Variants in TENM4 observed in about 807,000 individuals in gnomAD.
TENM4 encodes teneurin transmembrane protein 4.
A neutral mutation model predicts 243.3 loss-of-function variants in TENM4; 82 were observed. The observed-to-expected ratio is 0.34, with a 90% CI of 0.28 to 0.40. TENM4 has a LOEUF of 0.40. Ranked by LOEUF, TENM4 falls within the 10% of genes least tolerant of loss-of-function variation. The pLI is 1.00. For missense variants in TENM4, 3,138 were observed against 3,673.3 expected, an observed-to-expected ratio of 0.85 and a Z score of 3.77; for synonymous variants, 1,412 against 1,456.3, an observed-to-expected ratio of 0.97 and a Z score of 0.69.
chr11:78,871,756 C>T (rs894463880), intron 9 of TENM4, among the ~76,000 whole-genome samples: 8 of 152,282 alleles, frequency 5.3e-5, no homozygotes, highest in East Asian at 3.9e-4. Flanking sequence ...ACCCACAGCA[C>T]GGGCCATGTC....
At chr11:78,798,263 T>A (rs566434311) in intron 15 of TENM4, among the ~76,000 whole-genome samples, 3 of 152,384 alleles carry the variant, frequency 2.0e-5, no homozygotes, top group Admixed American at 2.0e-4. Flanking sequence ...TTAAGCTTAT[T>A]TTTGTTAAAG....
intron 6 of TENM4, among the ~76,000 whole-genome samples, chr11:78,946,562 C>T (rs1481118219): frequency 5.3e-5 from 8 of 152,138 alleles, no homozygotes; most frequent in South Asian, 2.1e-4. Context: ...ACTTTCAAAT[C>T]GTATTGTTTA....
chr11:78,749,611 G>GCAA (rs1856135002), intron 19 of TENM4, among the ~76,000 whole-genome samples: 1 of 152,128 alleles, frequency 6.6e-6, no homozygotes, highest in East Asian at 1.9e-4. Flanking sequence ...GCTTGCATAT[G>GCAA]GCTTTAGGTT....
At chr11:79,284,412 A>C (rs903033384) in intron 2 of TENM4, among the ~76,000 whole-genome samples, 1 of 152,236 alleles carries the variant, frequency 6.6e-6, no homozygotes, top group African/African-American at 2.4e-5. Context: ...TCACATTTAT[A>C]GTCATTTGAT....
chr11:79,233,664 G>A (rs1401287528), intron 2 of TENM4, among the ~76,000 whole-genome samples: 1 of 152,166 alleles, frequency 6.6e-6, no homozygotes, highest in African/African-American at 2.4e-5. Flanking sequence ...CTGTGAATGG[G>A]GAGAGGAGAT....
chr11:78,840,303 CTAGA>C (rs1858226339), intron 12 of TENM4, among the ~76,000 whole-genome samples: 1 of 152,020 alleles, frequency 6.6e-6, no homozygotes, highest in Non-Finnish European at 1.5e-5. Context: ...TGTACCCTGA[CTAGA>C]CTCTCTTGGC....
chr11:78,996,770 T>C lies in TENM4; in HGVS notation c.493+67968A>G, dbSNP rs369224936. Among the ~76,000 whole-genome samples, 137 of 152,276 alleles carry C rather than the reference T, an allele frequency of 9.0e-4. 1 individual carries two copies. Among genetic ancestry groups the C allele is most frequent in the Non-Finnish European group, 1.2e-4 (8 of 68,030 alleles). On this transcript the variant is annotated intron_variant, in intron 6 of 33. Transcript: ENST00000278550. The stretch of plus-strand genomic sequence containing the variant: ...CCTTCTCTAGGAAACAGCATGTTTA[T>C]GGTACACTGTAGACAGTGCAGTGAT...
chr11:79,276,561 C>T (rs905491331), intron 2 of TENM4, among the ~76,000 whole-genome samples: 6 of 152,148 alleles, frequency 3.9e-5, no homozygotes, highest in Non-Finnish European at 5.9e-5. Flanking sequence ...GCAGGCCCAG[C>T]GCCCCCTGAT....
intron 4 of TENM4, chr11:79,097,663 G>C (rs752200225): frequency 2.6e-5 from 4 of 152,074 alleles, no homozygotes; most frequent in Admixed American, 1.3e-4. Flanking sequence ...ATTTTGCCCT[G>C]TAAGCTGAGA....
intron 6 of TENM4, among the ~76,000 whole-genome samples, chr11:78,973,655 C>T (rs1229242901): frequency 6.6e-6 from 1 of 151,872 alleles, no homozygotes; most frequent in Non-Finnish European, 1.5e-5. Context: ...AGCTTACATT[C>T]TAGTGAAAGA....
intron 9 of TENM4, among the ~76,000 whole-genome samples, chr11:78,875,355 C>G (rs931664868): frequency 6.6e-6 from 1 of 152,136 alleles, no homozygotes; most frequent in African/African-American, 2.4e-5. Context: ...ATGCGTGCAC[C>G]ACCATGCCCA....
chr11:79,422,756 G>A (rs190894881), intron 1 of TENM4, among the ~76,000 whole-genome samples: 1 of 152,272 alleles, frequency 6.6e-6, no homozygotes, highest in Non-Finnish European at 1.5e-5. Flanking sequence ...CAGAGGGAGG[G>A]AGGGTCTGAC....
intron 1 of TENM4, among the ~76,000 whole-genome samples, chr11:79,307,745 C>T (rs1056782539): frequency 6.6e-6 from 1 of 152,206 alleles, no homozygotes; most frequent in Admixed American, 6.5e-5. Flanking sequence ...GTCTCAGCTG[C>T]CTTCTCTGCA....
At chr11:79,355,533 C>CAAA (rs1487433445) in intron 1 of TENM4, among the ~76,000 whole-genome samples, 3 of 100,696 alleles carry the variant, frequency 3.0e-5, no homozygotes, top group Non-Finnish European at 6.5e-5. Flanking sequence ...ACTCCATCTC[C>CAAA]AAACAAACAA....
At chr11:79,259,482 C>T (rs1039447556) in intron 2 of TENM4, among the ~76,000 whole-genome samples, 3 of 151,624 alleles carry the variant, frequency 2.0e-5, no homozygotes, top group African/African-American at 7.3e-5. Flanking sequence ...GCCATCTGTC[C>T]ATCCATCCAT....
At chr11:78,840,105 C>T (rs1858219256) in intron 12 of TENM4, among the ~76,000 whole-genome samples, 1 of 152,190 alleles carries the variant, frequency 6.6e-6, no homozygotes, top group African/African-American at 2.4e-5. Flanking sequence ...ATTTCACTTT[C>T]TTCCTCCATC....
At chr11:79,317,963 C>T (rs938400186) in intron 1 of TENM4, among the ~76,000 whole-genome samples, 1 of 151,868 alleles carries the variant, frequency 6.6e-6, no homozygotes, top group Non-Finnish European at 1.5e-5. Context: ...CCATGGTGGC[C>T]CAAAATGACA....
chr11:79,389,019 C>A (rs1858174758), intron 1 of TENM4, among the ~76,000 whole-genome samples: 1 of 152,192 alleles, frequency 6.6e-6, no homozygotes, highest in African/African-American at 2.4e-5. Flanking sequence ...TTGGCAGCAC[C>A]AGATCAGGGA....
intron 6 of TENM4, among the ~76,000 whole-genome samples, chr11:79,057,421 C>G (rs1035828184): frequency 6.6e-6 from 1 of 152,168 alleles, no homozygotes; most frequent in African/African-American, 2.4e-5. Flanking sequence ...GACATCCTCA[C>G]AGCCTGCTCC....
Sources: allele counts gnomAD v4.1 joint callset (sites outside exome capture counted in the v4.1 genomes callset), GRCh38; gene constraint gnomAD v4.1.1; transcripts MANE v1.5; gene names NCBI Gene and HGNC (gene_info 2026-07-23, HGNC 2026-07-21).